The following PHACTR1 variants were observed in gnomAD, a reference collection of about 807,000 sequenced individuals.
The protein encoded by PHACTR1 is phosphatase and actin regulator 1, also known as RPEL repeat containing 1.
In PHACTR1, 16 loss-of-function variants were observed where a neutral mutation model predicts 69.2. That is an observed-to-expected ratio of 0.23 (90% CI 0.16 to 0.35). PHACTR1 has a LOEUF of 0.35. Among genes scored for constraint, PHACTR1 ranks in the 10% least tolerant of loss-of-function variants. The probability of loss-of-function intolerance (pLI) is 1.00; values close to 1 mark genes in which losing one functional copy is unlikely to be tolerated. For synonymous variants in PHACTR1, 312 were observed against 284.5 expected, an observed-to-expected ratio of 1.10 and a Z score of -0.97; for missense variants, 510 against 734.7, an observed-to-expected ratio of 0.69 and a Z score of 3.54.
chr6:12,830,082 A>G (rs1777293498), intron 4 of PHACTR1, among the ~76,000 whole-genome samples: 1 of 147,270 alleles, frequency 6.8e-6, no homozygotes, highest in African/African-American at 2.6e-5. Flanking sequence ...AGAAGGAAGG[A>G]AGGAAGGAGG....
chr6:12,771,948 TC>T (rs1255821937), intron 4 of PHACTR1, among the ~76,000 whole-genome samples: 1 of 152,120 alleles, frequency 6.6e-6, no homozygotes, highest in African/African-American at 2.4e-5. Flanking sequence ...CATGTTCTTG[TC>T]CCTTGGCAGA....
chr6:13,008,867 C>T (rs1473179964), intron 4 of PHACTR1, among the ~76,000 whole-genome samples: 1 of 152,154 alleles, frequency 6.6e-6, no homozygotes, highest in African/African-American at 2.4e-5. Context: ...TGTATTGTTT[C>T]CTAGGGATGG....
intron 4 of PHACTR1, 38 bp downstream of exon 4, chr6:12,749,828 C>T (rs1766350115): frequency 6.6e-7 from 1 of 1,504,592 alleles, no homozygotes; most frequent in African/African-American, 1.4e-5. Flanking sequence ...CGCCCCCGCC[C>T]TGCTCCCTCC....
At chr6:13,239,421 G>T (rs183320313) in intron 10 of PHACTR1, among the ~76,000 whole-genome samples, 2 of 152,290 alleles carry the variant, frequency 1.3e-5, no homozygotes, top group Non-Finnish European at 2.9e-5. Flanking sequence ...CTTTGGGAAT[G>T]CTGACATCTT....
At chr6:12,804,212 T>C (rs922835459) in intron 4 of PHACTR1, among the ~76,000 whole-genome samples, 2 of 152,246 alleles carry the variant, frequency 1.3e-5, no homozygotes, top group African/African-American at 4.8e-5. Flanking sequence ...TATGGAATTA[T>C]CTGCTCATTG....
intron 4 of PHACTR1, among the ~76,000 whole-genome samples, chr6:12,872,124 C>T (rs536867457): frequency 6.6e-6 from 1 of 152,170 alleles, no homozygotes; most frequent in East Asian, 1.9e-4. Flanking sequence ...ACTGGATTTC[C>T]ATTGCCTCTA....
chr6:12,968,693 G>GAT (rs1289128474), intron 4 of PHACTR1, among the ~76,000 whole-genome samples: 3 of 152,136 alleles, frequency 2.0e-5, no homozygotes, highest in Non-Finnish European at 4.4e-5. Flanking sequence ...TTGTTCAAGG[G>GAT]ATATTGGATA....
chr6:12,990,619 CA>C (rs1283551245), intron 4 of PHACTR1, among the ~76,000 whole-genome samples: 1 of 152,224 alleles, frequency 6.6e-6, no homozygotes, highest in African/African-American at 2.4e-5. Context: ...CAAATGTATA[CA>C]ATTTGCTGTC....
At chr6:12,892,738 A>C (rs1422804000) in intron 4 of PHACTR1, among the ~76,000 whole-genome samples, 1 of 152,260 alleles carries the variant, frequency 6.6e-6, no homozygotes, top group Admixed American at 6.5e-5. Flanking sequence ...ATGTGAAGAC[A>C]TGTAAGACAT....
At chr6:13,238,982 G>A (rs1169753000) in intron 10 of PHACTR1, among the ~76,000 whole-genome samples, 1 of 152,194 alleles carries the variant, frequency 6.6e-6, no homozygotes, top group Non-Finnish European at 1.5e-5. Context: ...CCTAGCCCTT[G>A]AGGTTGTGCG....
At chr6:12,884,540 G>T (rs894034745) in intron 4 of PHACTR1, among the ~76,000 whole-genome samples, 1 of 151,768 alleles carries the variant, frequency 6.6e-6, no homozygotes, top group African/African-American at 2.4e-5. Flanking sequence ...AGCTGGGACC[G>T]CAGGCGCCTG....
At chr6:13,213,039 T>G (rs1254718314) in intron 8 of PHACTR1, among the ~76,000 whole-genome samples, 1 of 152,206 alleles carries the variant, frequency 6.6e-6, no homozygotes, top group Admixed American at 6.5e-5. Context: ...GGAACTGTTT[T>G]GTTCATGGCT....
intron 4 of PHACTR1, among the ~76,000 whole-genome samples, chr6:12,869,875 C>T (rs1355109440): frequency 3.9e-5 from 6 of 152,132 alleles, no homozygotes; most frequent in African/African-American, 1.4e-4. Flanking sequence ...GAGTACAGTA[C>T]CACAGATCTT....
At chr6:13,205,447 C>T (rs963852216) in intron 7 of PHACTR1, among the ~76,000 whole-genome samples, 7 of 152,288 alleles carry the variant, frequency 4.6e-5, no homozygotes, top group East Asian at 3.9e-4. Context: ...CATAGTTTGG[C>T]GTATCCTAGC....
chr6:13,166,310 G>A (rs1409043702), intron 6 of PHACTR1, among the ~76,000 whole-genome samples: 1 of 152,000 alleles, frequency 6.6e-6, no homozygotes, highest in Non-Finnish European at 1.5e-5. Flanking sequence ...ACCTTCAGAC[G>A]CCTGTAAATT....
At chr6:13,176,046 G>A (rs1263756968) in intron 6 of PHACTR1, among the ~76,000 whole-genome samples, 1 of 152,082 alleles carries the variant, frequency 6.6e-6, no homozygotes, top group Non-Finnish European at 1.5e-5. Context: ...GTTAAGAGGG[G>A]CAAGAGGGTA....
intron 5 of PHACTR1, among the ~76,000 whole-genome samples, chr6:13,112,099 G>A (rs1817138394): frequency 6.6e-6 from 1 of 152,058 alleles, no homozygotes; most frequent in African/African-American, 2.4e-5. Flanking sequence ...TCATCATTTA[G>A]CTCCCACTTA....
chr6:12,762,064 A>G (rs1768086448), intron 4 of PHACTR1, among the ~76,000 whole-genome samples: 1 of 152,200 alleles, frequency 6.6e-6, no homozygotes, highest in Non-Finnish European at 1.5e-5. Flanking sequence ...ATTTCTCCCA[A>G]CAGTTTTGGT....
chr6:13,286,954 C>G, intron 14 of PHACTR1, 109 bp from the exon 15 acceptor site: 1 of 1,205,498 alleles, frequency 8.3e-7, no homozygotes, highest in Non-Finnish European at 1.2e-6. Context: ...GTGGGAAGCT[C>G]GCACCTCCCT....
Sources: gnomAD v4.1 joint callset for allele counts (sites outside exome capture counted in the v4.1 genomes callset) on GRCh38, gnomAD v4.1.1 for gene constraint, MANE v1.5 for transcripts, NCBI Gene and HGNC (gene_info 2026-07-23, HGNC 2026-07-21) for gene names.